The following CDCP1 variants were observed in gnomAD, a reference collection of about 807,000 sequenced individuals.
The protein encoded by CDCP1 is CUB domain containing protein 1, also known as CUB domain-containing protein 1.
Under a neutral mutation model 60.2 loss-of-function variants are expected in CDCP1, and 29 were observed. That is an observed-to-expected ratio of 0.48 (90% CI 0.36 to 0.66). CDCP1 has a LOEUF of 0.66. CDCP1 is among the 30% of genes least tolerant of loss of function. The probability of loss-of-function intolerance (pLI) is 0.00; values close to 1 mark genes in which losing one functional copy is unlikely to be tolerated. For synonymous variants in CDCP1, 387 were observed against 431.1 expected (o/e 0.90, Z 1.27); for missense variants, 876 against 1,074.3 (o/e 0.82, Z 2.58).
chr3:45,112,500 C>A, intron 2 of CDCP1, 55 bp from the exon 3 acceptor site: 1 of 1,572,254 alleles, frequency 6.4e-7, no homozygotes, highest in Admixed American at 1.7e-5. Flanking sequence ...GGCCCCACAC[C>A]ACTCCTCCTC....
At chr3:45,136,258 G>GA (rs905777352) in intron 1 of CDCP1, among the ~76,000 whole-genome samples, 9 of 151,800 alleles carry the variant, frequency 5.9e-5, no homozygotes, top group Non-Finnish European at 1.3e-4. Flanking sequence ...GTGGGTGGAA[G>GA]AAAAAAAAGC....
rs565805874 is a variant in CDCP1 at position 45,132,201 on chromosome 3, A to G, written c.83-13580T>C. On this transcript the variant is annotated intron_variant, in intron 1 of 8. Coordinates refer to ENST00000296129, the MANE Select transcript of CDCP1 (RefSeq NM_022842.5). ...CAGTGAGCTGAGATCACACCACTGC[A>G]CTACAGCCTGGCGACACAGTGAGAC... 2.1e-3 allele frequency among the ~76,000 whole-genome samples: 317 copies of G among 151,636 alleles called. 2 individuals carry two copies. Among genetic ancestry groups the G allele is most frequent in the African/African-American group, 7.4e-3 (306 of 41,280 alleles).
chr3:45,116,942 G>A (rs1020068440), intron 2 of CDCP1, among the ~76,000 whole-genome samples: 2 of 151,928 alleles, frequency 1.3e-5, no homozygotes, highest in South Asian at 2.1e-4. Flanking sequence ...TGTATATATT[G>A]TTAAGTCCAT....
intron 4 of CDCP1, 42 bp downstream of exon 4, chr3:45,110,431 G>A: frequency 6.2e-7 from 1 of 1,600,886 alleles, no homozygotes; most frequent in Non-Finnish European, 8.5e-7. Flanking sequence ...AAACAACGAA[G>A]GTGCTGGAGG....
Position 45,108,936 on chromosome 3 carries a change from CAT to C in CDCP1, c.1024+1535_1024+1536del, listed in dbSNP as rs774813863. Among the ~76,000 whole-genome samples, 2 of 23,716 alleles carry C rather than the reference CAT, an allele frequency of 8.4e-5. 1 individual carries two copies. Among genetic ancestry groups the C allele is most frequent in the Non-Finnish European group, 1.8e-4 (2 of 11,174 alleles). 15.6% of individuals were successfully genotyped at this position (23,716 alleles called of 152,430 possible). A position where few individuals can be genotyped will look rare whatever the true frequency, so the allele number is the denominator to read the frequency against. ...ACATATATATATATATGCATGTATA[CAT>C]ATATATATATATATATTTTTTTTTT... On this transcript the variant is annotated intron_variant, in intron 4 of 8. Transcript: ENST00000296129.
At chr3:45,121,109 C>T (rs557887089) in intron 1 of CDCP1, among the ~76,000 whole-genome samples, 3 of 152,290 alleles carry the variant, frequency 2.0e-5, no homozygotes, top group African/African-American at 7.2e-5. Flanking sequence ...TTGTCTTCAC[C>T]GCATTTAATT....
chr3:45,146,186 C>T lies in CDCP1; in HGVS notation c.82+20G>A. 6.3e-7 allele frequency: 1 copy of T among 1,577,502 alleles called. No individual in the cohort carries two copies. Among genetic ancestry groups the T allele is most frequent in the Non-Finnish European group, 8.6e-7 (1 of 1,165,356 alleles). ...TAGCTCACCACTCCACGCCATCCGC[C>T]TCCAAAGCCCGGCACTCACCTGCCC... On this transcript the variant is annotated intron_variant, in intron 1 of 8. Coordinates refer to ENST00000296129, the MANE Select transcript of CDCP1 (RefSeq NM_022842.5).
At chr3:45,113,412 G>A (rs1292145813) in intron 2 of CDCP1, among the ~76,000 whole-genome samples, 1 of 152,202 alleles carries the variant, frequency 6.6e-6, no homozygotes, top group Non-Finnish European at 1.5e-5. Flanking sequence ...AGGAAAGTGA[G>A]GGGACGAAAC....
At chr3:45,086,168 G>T in intron 8 of CDCP1, 101 bp from the exon 9 acceptor site, 3 of 1,007,610 alleles carry the variant, frequency 3.0e-6, no homozygotes, top group South Asian at 3.1e-5. Flanking sequence ...TTAGGGTTCT[G>T]ACCATGTCTC....
At chr3:45,113,668 C>G (rs1377764689) in intron 2 of CDCP1, among the ~76,000 whole-genome samples, 1 of 152,172 alleles carries the variant, frequency 6.6e-6, no homozygotes, top group Non-Finnish European at 1.5e-5. Flanking sequence ...GTGACTTGGG[C>G]TGGCACTTGC....
At chr3:45,105,287 C>A (rs1409638998) in intron 4 of CDCP1, among the ~76,000 whole-genome samples, 1 of 152,016 alleles carries the variant, frequency 6.6e-6, no homozygotes, top group Non-Finnish European at 1.5e-5. Context: ...GGCCATAATA[C>A]CTATCAGCTC....
At chr3:45,142,659 A>C (rs1379708941) in intron 1 of CDCP1, among the ~76,000 whole-genome samples, 1 of 152,154 alleles carries the variant, frequency 6.6e-6, no homozygotes, top group East Asian at 1.9e-4. Context: ...TCTACTCTTC[A>C]TCCCAGCAAT....
chr3:45,126,670 G>A (rs954169587), intron 1 of CDCP1, among the ~76,000 whole-genome samples: 8 of 152,110 alleles, frequency 5.3e-5, no homozygotes, highest in African/African-American at 1.9e-4. Flanking sequence ...CCATTTCAAG[G>A]GCTAATCATT....
In CDCP1 at chr3:45,085,834, C is replaced by T. The variant is rs759808544; in HGVS notation, c.2315G>A (p.Cys772Tyr). ...YRPFQGTMGV[C>Y]PPSPPTICSR... ...GCATATGGTGGGTGGGGAGGGAGGA[C>T]AGACCCCCATGGTGCCCTGGAACGG... The change falls in exon 9 of 9, where the codon TGT (cysteine) becomes TAT (tyrosine). Residue 772 changes from cysteine to tyrosine, a missense_variant. This residue lies in a region of CDCP1 where 726 missense variants were observed against 935.7 expected (regional missense o/e 0.78). Coordinates refer to ENST00000296129, the MANE Select transcript of CDCP1 (RefSeq NM_022842.5). This position sits in a 1 kb window ranked among gnomAD's most constrained non-coding sequence, Gnocchi z 4.2. 10 of 1,614,146 alleles carry T rather than the reference C, an allele frequency of 6.2e-6. No individual in the cohort carries two copies. The highest frequency in any genetic ancestry group is 7.6e-6 in the Non-Finnish European group (9 of 1,180,026).
At chr3:45,087,614 G>A (rs1576073391) in intron 8 of CDCP1, among the ~76,000 whole-genome samples, 2 of 152,156 alleles carry the variant, frequency 1.3e-5, no homozygotes, top group Admixed American at 1.3e-4. Context: ...TTCTCATGGG[G>A]AAAAGACCTC....
intron 1 of CDCP1, among the ~76,000 whole-genome samples, chr3:45,120,688 G>A (rs968219910): frequency 6.6e-6 from 1 of 152,154 alleles, no homozygotes; most frequent in Admixed American, 6.5e-5. Context: ...TCTGGCTTCT[G>A]CGTGTAACCC....
intron 1 of CDCP1, among the ~76,000 whole-genome samples, chr3:45,125,282 G>A (rs1324961923): frequency 2.0e-5 from 3 of 152,188 alleles, no homozygotes; most frequent in African/African-American, 7.2e-5. Flanking sequence ...AAAGGGCTTG[G>A]TTGTTGGCCA....
At chr3:45,110,160 C>G in intron 4 of CDCP1, 1 of 1,174,774 alleles carries the variant, frequency 8.5e-7, no homozygotes, top group Non-Finnish European at 1.1e-6. Flanking sequence ...GGGTGACATC[C>G]TCATTCACAT....
At chr3:45,098,547 T>C (rs1698439133) in intron 4 of CDCP1, among the ~76,000 whole-genome samples, 1 of 151,956 alleles carries the variant, frequency 6.6e-6, no homozygotes, top group African/African-American at 2.4e-5. Context: ...TCTATTGGCT[T>C]CCCACTCAGG....
Sources: gnomAD v4.1 joint callset for allele counts (sites outside exome capture counted in the v4.1 genomes callset) on GRCh38, gnomAD v4.1.1 for gene constraint, gnomAD v4.1.1 regional missense constraint, Gnocchi (gnomAD v3.1) non-coding constraint, MANE v1.5 for transcripts, NCBI Gene and HGNC (gene_info 2026-07-23, HGNC 2026-07-21) for gene names.